Variants in LEF1 observed in about 807,000 individuals in gnomAD.
LEF1 encodes the protein lymphoid enhancer-binding factor 1.
LEF1 carries 14 observed loss-of-function variants against 51.2 expected under a neutral mutation model. The observed-to-expected ratio is 0.27, with a 90% CI of 0.18 to 0.43. The LOEUF (loss-of-function observed/expected upper bound fraction) is 0.43. Among genes scored for constraint, LEF1 ranks in the 20% least tolerant of loss-of-function variants. The pLI, the probability that LEF1 is intolerant of heterozygous loss-of-function variation, is 1.00. For missense variants in LEF1, 386 were observed against 512.0 expected, an observed-to-expected ratio of 0.75 and a Z score of 2.37; for synonymous variants, 185 against 183.2, an observed-to-expected ratio of 1.01 and a Z score of -0.08.
intron 11 of LEF1, among the ~76,000 whole-genome samples, chr4:108,060,361 C>T (rs555543450): frequency 6.6e-6 from 1 of 152,300 alleles, no homozygotes; most frequent in African/African-American, 2.4e-5. Flanking sequence ...AAAAGCAAAG[C>T]AGACCAGAAA....
chr4:108,086,752 G>A (rs543067554), intron 4 of LEF1, among the ~76,000 whole-genome samples: 151 of 151,488 alleles, frequency 1.0e-3, no homozygotes, highest in Non-Finnish European at 1.9e-3. Flanking sequence ...TCCTAAAAGC[G>A]CTTTCCTTTT....
intron 3 of LEF1, among the ~76,000 whole-genome samples, chr4:108,100,524 T>C (rs1560790067): frequency 6.6e-6 from 1 of 152,210 alleles, no homozygotes; most frequent in Non-Finnish European, 1.5e-5. Flanking sequence ...TATTTTCATT[T>C]CCATCTCTTT....
At chr4:108,097,469 A>G (rs1218664933) in intron 3 of LEF1, among the ~76,000 whole-genome samples, 1 of 152,214 alleles carries the variant, frequency 6.6e-6, no homozygotes, top group Non-Finnish European at 1.5e-5. Context: ...GGGATGGTTA[A>G]TGAGTGCAAA....
intron 3 of LEF1, among the ~76,000 whole-genome samples, chr4:108,092,091 T>C (rs1252650497): frequency 2.0e-5 from 3 of 152,228 alleles, no homozygotes; most frequent in Non-Finnish European, 2.9e-5. Context: ...TCCAGTCATA[T>C]AGCTCAGAAT....
At chr4:108,146,403 T>C (rs966968071) in intron 3 of LEF1, among the ~76,000 whole-genome samples, 8 of 152,220 alleles carry the variant, frequency 5.3e-5, no homozygotes, top group African/African-American at 1.9e-4. Context: ...GTATAATAGG[T>C]ATGCACTTGT....
intron 3 of LEF1, among the ~76,000 whole-genome samples, chr4:108,125,640 T>C (rs934133239): frequency 3.9e-5 from 6 of 152,190 alleles, no homozygotes; most frequent in African/African-American, 1.4e-4. Flanking sequence ...CTGATAGTTT[T>C]TATGATATTA....
intron 3 of LEF1, among the ~76,000 whole-genome samples, chr4:108,145,685 T>C (rs185567450): frequency 2.6e-4 from 39 of 152,330 alleles, no homozygotes; most frequent in Admixed American, 2.5e-3. Flanking sequence ...GTGACATGAA[T>C]GAACCCTGAA....
intron 3 of LEF1, among the ~76,000 whole-genome samples, chr4:108,161,028 A>G (rs2110417656): frequency 6.6e-6 from 1 of 152,270 alleles, no homozygotes; most frequent in South Asian, 2.1e-4. Flanking sequence ...CCCAAACACA[A>G]ATGGTCACCA....
chr4:108,115,837 T>C (rs1158337226), intron 3 of LEF1, among the ~76,000 whole-genome samples: 3 of 112,240 alleles, frequency 2.7e-5, no homozygotes, highest in East Asian at 2.4e-4. Context: ...CTGCCTATAA[T>C]GTAACACATA....
At chr4:108,072,779 G>A (rs1738574009) in intron 8 of LEF1, 1 of 152,208 alleles carries the variant, frequency 6.6e-6, no homozygotes, top group African/African-American at 2.4e-5. Flanking sequence ...TTTAAATTGG[G>A]ATGGAAAAGT....
At chr4:108,118,374 A>C (rs561683209) in intron 3 of LEF1, among the ~76,000 whole-genome samples, 1 of 152,336 alleles carries the variant, frequency 6.6e-6, no homozygotes, top group African/African-American at 2.4e-5. Context: ...TCAACAGTCA[A>C]GTTCCATACA....
intron 3 of LEF1, among the ~76,000 whole-genome samples, chr4:108,109,082 G>A (rs1470978693): frequency 6.6e-6 from 1 of 152,134 alleles, no homozygotes; most frequent in Non-Finnish European, 1.5e-5. Context: ...GCAGACAAAG[G>A]GTAATTTGTT....
At chr4:108,112,833 G>A (rs1236615352) in intron 3 of LEF1, among the ~76,000 whole-genome samples, 2 of 152,206 alleles carry the variant, frequency 1.3e-5, no homozygotes, top group African/African-American at 4.8e-5. Flanking sequence ...TACCCTTGTA[G>A]AGAAACAGCC....
chr4:108,089,190 CTG>C lies in LEF1; in HGVS notation c.480_481del (p.Tyr160Ter). ...TGATCCTGGAGAAAAGTGCTCGTCA[CTG>C]TAAGTGATGAGGGGGGTGAGAGGAT... On this transcript the variant is annotated stop_gained and frameshift_variant, in exon 4 of 12. Coordinates refer to ENST00000265165, the MANE Select transcript of LEF1 (RefSeq NM_016269.5). LOFTEE classifies it high-confidence loss of function. 6.2e-7 allele frequency: 1 copy of C among 1,614,084 alleles called. No homozygotes were observed. The highest frequency in any genetic ancestry group is 8.5e-7 in the Non-Finnish European group (1 of 1,179,998).
In LEF1 at chr4:108,064,325, A is replaced by T. The variant is rs1358639369; in HGVS notation, c.1165+11T>A. 33 of 1,606,048 alleles carry T rather than the reference A, an allele frequency of 2.1e-5. No individual in the cohort carries two copies. The highest frequency in any genetic ancestry group is 2.5e-5 in the Non-Finnish European group (29 of 1,172,892). The stretch of plus-strand genomic sequence containing the variant: ...GCCTGAGGATTGACTGGAAAGTCTC[A>T]TGGTGCCTACCTGATGCAGATTCCT... On this transcript the variant is annotated intron_variant, in intron 10 of 11. Coordinates refer to ENST00000265165, the MANE Select transcript of LEF1 (RefSeq NM_016269.5).
chr4:108,110,109 G>A (rs950905775), intron 3 of LEF1, among the ~76,000 whole-genome samples: 5 of 152,204 alleles, frequency 3.3e-5, no homozygotes, highest in African/African-American at 1.2e-4. Context: ...AGTAGGAGGG[G>A]AGATGCAGAA....
At chr4:108,078,137 T>G in intron 8 of LEF1, 83 bp downstream of exon 8, 5 of 1,281,722 alleles carry the variant, frequency 3.9e-6, no homozygotes, top group Non-Finnish European at 5.6e-6. Flanking sequence ...TATGACCACC[T>G]GATATGGGAT....
chr4:108,069,027 G>A (rs1240941785), intron 9 of LEF1, among the ~76,000 whole-genome samples: 1 of 152,162 alleles, frequency 6.6e-6, no homozygotes, highest in Non-Finnish European at 1.5e-5. Context: ...ATGGTATAAT[G>A]AGGGAGAGTC....
chr4:108,076,040 C>T (rs1352343924), intron 8 of LEF1, among the ~76,000 whole-genome samples: 2 of 152,074 alleles, frequency 1.3e-5, no homozygotes, highest in Non-Finnish European at 2.9e-5. Context: ...GAGCTAAACG[C>T]TTTCCTGTTT....
Sources: gnomAD v4.1 joint callset for allele counts (sites outside exome capture counted in the v4.1 genomes callset) on GRCh38, gnomAD v4.1.1 for gene constraint, MANE v1.5 for transcripts, NCBI Gene and HGNC (gene_info 2026-07-23, HGNC 2026-07-21) for gene names.